The following EYS variants were observed in gnomAD, a reference collection of about 807,000 sequenced individuals.
EYS encodes the protein protein eyes shut homolog.
Under a neutral mutation model 282.1 loss-of-function variants are expected in EYS, and 250 were observed. That is an observed-to-expected ratio of 0.89 (90% CI 0.80 to 0.98). The LOEUF (loss-of-function observed/expected upper bound fraction) is 0.98. Ranked by LOEUF, EYS falls within the 50% of genes least tolerant of loss-of-function variation. The probability of loss-of-function intolerance (pLI) is 0.00; values close to 1 mark genes in which losing one functional copy is unlikely to be tolerated. For missense variants in EYS, 4,016 were observed against 3,709.0 expected, an observed-to-expected ratio of 1.08 and a Z score of -2.15; for synonymous variants, 1,355 against 1,282.9, an observed-to-expected ratio of 1.06 and a Z score of -1.20.
intron 41 of EYS, among the ~76,000 whole-genome samples, chr6:63,750,195 T>C (rs1185135055): frequency 1.3e-5 from 2 of 152,228 alleles, no homozygotes; most frequent in Non-Finnish European, 1.5e-5. Flanking sequence ...TTTTAACATA[T>C]TGAGATCCTT....
chr6:65,680,872 T>A (rs1046222526), intron 1 of EYS, among the ~76,000 whole-genome samples: 3 of 151,918 alleles, frequency 2.0e-5, no homozygotes, highest in African/African-American at 7.2e-5. Context: ...CTGAGCTACA[T>A]CTAACTCTAT....
intron 26 of EYS, among the ~76,000 whole-genome samples, chr6:64,561,055 T>A (rs1765378930): frequency 1.3e-5 from 2 of 152,268 alleles, no homozygotes; most frequent in Admixed American, 6.5e-5. Context: ...TCAATAAATG[T>A]GATTCATCAC....
intron 7 of EYS, among the ~76,000 whole-genome samples, chr6:65,394,231 C>CGTGTGT (rs140207729): frequency 1.3e-5 from 2 of 149,642 alleles, no homozygotes; most frequent in Non-Finnish European, 3.0e-5. Context: ...TATGTGCGCA[C>CGTGTGT]GTGTGTGTGT....
intron 31 of EYS, among the ~76,000 whole-genome samples, chr6:64,195,066 TTTG>T (rs1274475614): frequency 1.3e-5 from 2 of 152,130 alleles, no homozygotes; most frequent in Non-Finnish European, 2.9e-5. Flanking sequence ...CCCACAGGTT[TTTG>T]TTGTCTGTAT....
chr6:63,736,852 G>A (rs1582156106), intron 41 of EYS, among the ~76,000 whole-genome samples: 1 of 152,074 alleles, frequency 6.6e-6, no homozygotes, highest in African/African-American at 2.4e-5. Flanking sequence ...TGAAGCAATT[G>A]TGAATGGGAG....
chr6:64,681,388 A>G (rs1229590640), intron 22 of EYS, among the ~76,000 whole-genome samples: 1 of 152,144 alleles, frequency 6.6e-6, no homozygotes, highest in African/African-American at 2.4e-5. Flanking sequence ...GGCTTAATAG[A>G]GTGTGACAAT....
At chr6:64,219,503 A>C (rs1201022652) in intron 31 of EYS, among the ~76,000 whole-genome samples, 2 of 152,212 alleles carry the variant, frequency 1.3e-5, no homozygotes, top group Non-Finnish European at 2.9e-5. Context: ...TTGTTAAGAA[A>C]GAATTTTTAT....
chr6:64,135,070 C>T (rs796509711), intron 31 of EYS, among the ~76,000 whole-genome samples: 3 of 152,068 alleles, frequency 2.0e-5, no homozygotes, highest in African/African-American at 7.2e-5. Context: ...CTGGGATATA[C>T]CTCAGTCTTT....
At chr6:64,522,861 C>T (rs1777790481) in intron 26 of EYS, among the ~76,000 whole-genome samples, 1 of 151,696 alleles carries the variant, frequency 6.6e-6, no homozygotes, top group Non-Finnish European at 1.5e-5. Context: ...CAGGTGACAG[C>T]AATGTGAAGT....
chr6:65,571,015 G>T (rs1424799666), intron 2 of EYS, among the ~76,000 whole-genome samples: 1 of 152,032 alleles, frequency 6.6e-6, no homozygotes, highest in Non-Finnish European at 1.5e-5. Flanking sequence ...CTGTAAGGTT[G>T]CCATAAATAC....
At chr6:64,075,589 A>G (rs1469186652) in intron 32 of EYS, among the ~76,000 whole-genome samples, 6 of 151,908 alleles carry the variant, frequency 3.9e-5, no homozygotes, top group Admixed American at 3.3e-4. Flanking sequence ...CCCATTTTTG[A>G]TGCCACGATT....
chr6:63,728,470 A>G (rs141252010), intron 41 of EYS, among the ~76,000 whole-genome samples: 1 of 152,294 alleles, frequency 6.6e-6, no homozygotes, highest in East Asian at 1.9e-4. Context: ...AGTGGAAAGT[A>G]TTAGGGTTTC....
chr6:63,879,159 G>T (rs567256310), intron 35 of EYS, among the ~76,000 whole-genome samples: 1 of 152,166 alleles, frequency 6.6e-6, no homozygotes, highest in Non-Finnish European at 1.5e-5. Flanking sequence ...TAGCTGAGTA[G>T]ATTTTGGTGC....
intron 2 of EYS, among the ~76,000 whole-genome samples, chr6:65,617,378 T>C (rs1766240666): frequency 6.6e-6 from 1 of 152,090 alleles, no homozygotes; most frequent in South Asian, 2.1e-4. Context: ...TGTTACGACT[T>C]CAAAAACTAT....
Position 63,960,565 on chromosome 6 carries a change from A to G in EYS, c.7055+23818T>C, listed in dbSNP as rs1451059076. Among the ~76,000 whole-genome samples the G allele has an allele frequency of 2.6e-5, 4 of 152,326 alleles. No homozygotes were observed. In the East Asian group the frequency reaches 7.7e-4, roughly 29 times the overall value. On this transcript the variant is annotated intron_variant, in intron 35 of 42. Transcript: ENST00000503581. ...GCTATTAAACAGCATTGGGTACTACAGAGAAATCTTTCATGACAAGAAGAG... is the reference window on the plus strand; with the variant it reads ...GCTATTAAACAGCATTGGGTACTACGGAGAAATCTTTCATGACAAGAAGAG...
chr6:64,164,230 CA>C (rs1775197384), intron 31 of EYS, among the ~76,000 whole-genome samples: 2 of 152,036 alleles, frequency 1.3e-5, no homozygotes, highest in African/African-American at 4.8e-5. Context: ...TAATTTATCC[CA>C]GCACAGAGTT....
At chr6:64,445,485 G>A (rs1016377794) in intron 26 of EYS, among the ~76,000 whole-genome samples, 3 of 152,040 alleles carry the variant, frequency 2.0e-5, no homozygotes, top group Admixed American at 6.6e-5. Flanking sequence ...TATGCTTTTG[G>A]TACAAATAAC....
At chr6:65,398,019 AT>A (rs1025144224) in intron 7 of EYS, among the ~76,000 whole-genome samples, 3 of 152,104 alleles carry the variant, frequency 2.0e-5, no homozygotes, top group African/African-American at 4.8e-5. Context: ...GATGTTGAGC[AT>A]TTTTTATATG....
At chr6:64,126,073 GT>G (rs921297611) in intron 31 of EYS, among the ~76,000 whole-genome samples, 1 of 152,110 alleles carries the variant, frequency 6.6e-6, no homozygotes, top group African/African-American at 2.4e-5. Context: ...CTGTAAACTA[GT>G]TGCTGGTGGG....
Sources: allele counts gnomAD v4.1 joint callset (sites outside exome capture counted in the v4.1 genomes callset), GRCh38; gene constraint gnomAD v4.1.1; transcripts MANE v1.5; gene names NCBI Gene and HGNC (gene_info 2026-07-23, HGNC 2026-07-21).